The following DOCK3 variants were observed in gnomAD, a reference collection of about 807,000 sequenced individuals.
DOCK3 encodes the protein dedicator of cytokinesis 3.
A neutral mutation model predicts 265.6 loss-of-function variants in DOCK3; 60 were observed. The ratio of observed to expected loss-of-function variants is 0.23; its 90% CI spans 0.18 to 0.28. The LOEUF (loss-of-function observed/expected upper bound fraction) is 0.28. Ranked by LOEUF, DOCK3 falls within the 10% of genes least tolerant of loss-of-function variation. DOCK3 has a pLI of 1.00. For missense variants in DOCK3, 1,981 were observed against 2,594.3 expected, an observed-to-expected ratio of 0.76 and a Z score of 5.14; for synonymous variants, 881 against 938.0, an observed-to-expected ratio of 0.94 and a Z score of 1.11.
intron 4 of DOCK3, among the ~76,000 whole-genome samples, chr3:50,930,095 T>C (rs150897382): frequency 2.0e-5 from 3 of 152,342 alleles, no homozygotes; most frequent in African/African-American, 7.2e-5. Context: ...GGCCAAATTA[T>C]CATAAGTCCT....
chr3:51,265,479 G>C (rs1442524106), intron 23 of DOCK3, among the ~76,000 whole-genome samples: 1 of 152,172 alleles, frequency 6.6e-6, no homozygotes, highest in Admixed American at 6.5e-5. Flanking sequence ...GAATCCAGCA[G>C]CACATCAAAA....
intron 20 of DOCK3, among the ~76,000 whole-genome samples, chr3:51,236,980 A>G (rs113511081): frequency 0.017 from 2,622 of 152,246 alleles, 42 homozygotes; most frequent in Middle Eastern, 0.071. Flanking sequence ...AGATACTCTC[A>G]TAGATAAGGA....
intron 9 of DOCK3, among the ~76,000 whole-genome samples, chr3:51,098,816 T>C (rs1029485316): frequency 1.3e-5 from 2 of 152,236 alleles, no homozygotes; most frequent in Non-Finnish European, 2.9e-5. Context: ...GAGGAGCTGG[T>C]ACCTTGTCTC....
At chr3:50,694,800 A>T (rs907658355) in intron 1 of DOCK3, among the ~76,000 whole-genome samples, 3 of 152,246 alleles carry the variant, frequency 2.0e-5, no homozygotes, top group Admixed American at 6.5e-5. Flanking sequence ...CGGCAGAGCC[A>T]GACTCTGTCT....
chr3:51,102,242 A>G (rs1336934973), intron 9 of DOCK3, among the ~76,000 whole-genome samples: 1 of 152,226 alleles, frequency 6.6e-6, no homozygotes, highest in African/African-American at 2.4e-5. Flanking sequence ...CTCTACTTTT[A>G]CATTTACAAA....
intron 2 of DOCK3, among the ~76,000 whole-genome samples, chr3:50,801,274 C>A (rs2043052605): frequency 1.3e-5 from 2 of 152,038 alleles, no homozygotes; most frequent in South Asian, 4.1e-4. Context: ...GCCGCACAGG[C>A]TAAACTAATT....
rs2088658330 is a variant in DOCK3, at chr3:51,381,638, G to A, written c.*79G>A. 1 of 1,433,902 alleles carries A rather than the reference G, an allele frequency of 7.0e-7. No individual in the cohort carries two copies. Among genetic ancestry groups the A allele is most frequent in the South Asian group, 1.5e-5 (1 of 67,070 alleles). The allele number at this position is 1,433,902 out of a possible 1,614,324, so 88.8% of individuals were successfully genotyped here. A position where few individuals can be genotyped will look rare whatever the true frequency, so the allele number is the denominator to read the frequency against. On this transcript the variant is annotated 3_prime_UTR_variant, in exon 53 of 53. Coordinates refer to ENST00000266037, the MANE Select transcript of DOCK3 (RefSeq NM_004947.5). This position sits in a 1 kb window ranked among gnomAD's most constrained non-coding sequence, Gnocchi z 5.6. ...CCAGGTCTGAAAAGCAAGTCCCCCA[G>A]CCCCACCCCAGGGAGCCAGAGAGGC...
At chr3:50,900,839 C>G (rs1468103460) in intron 4 of DOCK3, 1 of 409,370 alleles carries the variant, frequency 2.4e-6, no homozygotes, top group Non-Finnish European at 4.8e-6. Flanking sequence ...GATTGCTGCC[C>G]TCTGGAAGCT....
chr3:51,032,166 C>A (rs1033267066), intron 5 of DOCK3, among the ~76,000 whole-genome samples: 1 of 148,756 alleles, frequency 6.7e-6, no homozygotes, highest in Non-Finnish European at 1.5e-5. Context: ...ATGTTAATTC[C>A]AAGAATCTCT....
chr3:51,161,080 A>G (rs1009447680), intron 12 of DOCK3, among the ~76,000 whole-genome samples: 19 of 140,074 alleles, frequency 1.4e-4, no homozygotes, highest in Non-Finnish European at 2.3e-4. Context: ...CGTTTCAAAG[A>G]AAAAAAAAAA....
intron 5 of DOCK3, among the ~76,000 whole-genome samples, chr3:51,042,510 G>A (rs2080574422): frequency 6.6e-6 from 1 of 152,150 alleles, no homozygotes; most frequent in Non-Finnish European, 1.5e-5. Flanking sequence ...AAAGCTGGAA[G>A]CATTCCCCTT....
chr3:51,287,775 T>C lies in DOCK3; in HGVS notation c.2922+7571T>C, dbSNP rs184860857. On this transcript the variant is annotated intron_variant, in intron 27 of 52. Transcript: ENST00000266037. ...ACTACCATTCAACCCAGCAATCCCA[T>C]TGCTGGATATATAACCAAAGGAAAA... Among the ~76,000 whole-genome samples the C allele has an allele frequency of 7.9e-5, 12 of 152,266 alleles. No homozygotes were observed. In the South Asian group the frequency reaches 1.2e-3, roughly 16 times the overall value.
intron 37 of DOCK3, 60 bp from the exon 38 acceptor site, chr3:51,341,177 C>T (rs2110086777): frequency 6.6e-7 from 1 of 1,505,154 alleles, no homozygotes; most frequent in Middle Eastern, 2.5e-4. Context: ...TGACACCAGG[C>T]TGCTCCTGGG....
chr3:50,911,435 T>G (rs2049848141), intron 4 of DOCK3, among the ~76,000 whole-genome samples: 1 of 152,130 alleles, frequency 6.6e-6, no homozygotes, highest in Non-Finnish European at 1.5e-5. Flanking sequence ...AATGTATGTT[T>G]TTGCCACATT....
intron 6 of DOCK3, among the ~76,000 whole-genome samples, chr3:51,068,241 G>A (rs1369487813): frequency 1.3e-5 from 2 of 152,036 alleles, no homozygotes; most frequent in African/African-American, 2.4e-5. Context: ...CTGTTGTAAC[G>A]AAATGCTACT....
chr3:50,772,818 T>C (rs1322272535), intron 1 of DOCK3, among the ~76,000 whole-genome samples: 1 of 152,142 alleles, frequency 6.6e-6, no homozygotes, highest in Non-Finnish European at 1.5e-5. Flanking sequence ...GATCTCATGC[T>C]CATGGATTTG....
Position 50,804,261 on chromosome 3 carries a change from G to A in DOCK3, c.121+25503G>A, listed in dbSNP as rs1447470053. Among the ~76,000 whole-genome samples, 6 of 151,652 alleles carry A rather than the reference G, an allele frequency of 4.0e-5. No individual in the cohort carries two copies. In the East Asian group the frequency reaches 7.8e-4, roughly 20 times the overall value. On this transcript the variant is annotated intron_variant, in intron 2 of 52. Coordinates refer to ENST00000266037, the MANE Select transcript of DOCK3 (RefSeq NM_004947.5). ...GCGCTCCTCACTTCCCAGACTGGGC[G>A]GCCAGGCAGAGGGGCTCCTCACATC...
At chr3:51,186,799 ATGG>A (rs1389991341) in intron 12 of DOCK3, among the ~76,000 whole-genome samples, 1 of 152,206 alleles carries the variant, frequency 6.6e-6, no homozygotes, top group Non-Finnish European at 1.5e-5. Context: ...CAGCTTCCAC[ATGG>A]TGTTGAGCCT....
intron 27 of DOCK3, among the ~76,000 whole-genome samples, chr3:51,281,330 A>C (rs2081107384): frequency 6.7e-6 from 1 of 148,392 alleles, no homozygotes; most frequent in Non-Finnish European, 1.5e-5. Context: ...AAGGAAGTTT[A>C]CAAATCTGTG....
Sources: gnomAD v4.1 joint callset for allele counts (sites outside exome capture counted in the v4.1 genomes callset) on GRCh38, gnomAD v4.1.1 for gene constraint, Gnocchi (gnomAD v3.1) non-coding constraint, MANE v1.5 for transcripts, NCBI Gene and HGNC (gene_info 2026-07-23, HGNC 2026-07-21) for gene names.